Variants in SORCS2 observed in about 807,000 individuals in gnomAD.
SORCS2 encodes VPS10 domain-containing receptor SorCS2.
In SORCS2, 100 loss-of-function variants were observed where a neutral mutation model predicts 141.6. The ratio of observed to expected loss-of-function variants is 0.71; its 90% CI spans 0.60 to 0.83. The LOEUF (loss-of-function observed/expected upper bound fraction) is 0.83, where lower values mean the gene tolerates loss of function less well. Among genes scored for constraint, SORCS2 ranks in the 40% least tolerant of loss-of-function variants. The pLI, the probability that SORCS2 is intolerant of heterozygous loss-of-function variation, is 0.00. For synonymous variants in SORCS2, 789 were observed against 676.9 expected (o/e 1.17, Z -2.57); for missense variants, 1,646 against 1,560.2 (o/e 1.05, Z -0.93).
chr4:7,376,156 C>T (rs1439110843), intron 1 of SORCS2, among the ~76,000 whole-genome samples: 2 of 152,130 alleles, frequency 1.3e-5, no homozygotes, highest in Admixed American at 1.3e-4. Flanking sequence ...CCTGCCTGGG[C>T]AGGACTCTGC....
intron 2 of SORCS2, among the ~76,000 whole-genome samples, chr4:7,416,725 GAC>G (rs34903700): frequency 3.3e-5 from 5 of 150,276 alleles, no homozygotes; most frequent in East Asian, 2.0e-4. Flanking sequence ...CACACACTCA[GAC>G]ACACACGCAT....
chr4:7,634,860 A>G (rs1720140946), intron 3 of SORCS2, among the ~76,000 whole-genome samples: 1 of 152,218 alleles, frequency 6.6e-6, no homozygotes, highest in Admixed American at 6.5e-5. Context: ...CCTTCCTCCC[A>G]AGAACCCACA....
At chr4:7,425,970 G>A (rs1191502663) in intron 2 of SORCS2, among the ~76,000 whole-genome samples, 1 of 152,258 alleles carries the variant, frequency 6.6e-6, no homozygotes, top group Non-Finnish European at 1.5e-5. Flanking sequence ...AAGGCATCAT[G>A]ATCCCGTCCT....
intron 2 of SORCS2, among the ~76,000 whole-genome samples, chr4:7,438,797 C>G (rs1413587173): frequency 6.6e-6 from 1 of 152,054 alleles, no homozygotes; most frequent in Non-Finnish European, 1.5e-5. Context: ...ACTACCCCTC[C>G]CTCCTTTCCT....
chr4:7,237,029 A>G (rs1457671740), intron 1 of SORCS2, among the ~76,000 whole-genome samples: 2 of 152,216 alleles, frequency 1.3e-5, no homozygotes, highest in East Asian at 1.9e-4. Flanking sequence ...CCATCCTGAG[A>G]TGCTGGGCCT....
intron 10 of SORCS2, among the ~76,000 whole-genome samples, chr4:7,683,459 T>G (rs1392922648): frequency 2.6e-5 from 4 of 152,184 alleles, no homozygotes; most frequent in Admixed American, 1.3e-4. Flanking sequence ...GGGAATGGAC[T>G]GATTTAGGCT....
chr4:7,649,243 C>A (rs747198192), intron 4 of SORCS2, among the ~76,000 whole-genome samples: 1 of 151,880 alleles, frequency 6.6e-6, no homozygotes, highest in Non-Finnish European at 1.5e-5. Flanking sequence ...CTCAGAGGAC[C>A]CTGTGCACAT....
intron 2 of SORCS2, among the ~76,000 whole-genome samples, chr4:7,446,781 C>T (rs888113147): frequency 2.6e-5 from 4 of 152,190 alleles, no homozygotes; most frequent in South Asian, 2.1e-4. Context: ...GGCAATTGTA[C>T]GTGCAGTGTC....
intron 2 of SORCS2, among the ~76,000 whole-genome samples, chr4:7,454,778 TGTGTGTTGGGGTCTGGTG>T (rs1728757892): frequency 9.0e-6 from 1 of 110,800 alleles, no homozygotes. Context: ...GGGTCAGTGC[TGTGTGTTGGGGTCTGGTG>T]CTGTGTTGGG....
chr4:7,653,889 T>G (rs545898330), intron 4 of SORCS2, among the ~76,000 whole-genome samples: 1 of 152,196 alleles, frequency 6.6e-6, no homozygotes, highest in Non-Finnish European at 1.5e-5. Flanking sequence ...GAGACCCCTC[T>G]GGATTTCACC....
intron 1 of SORCS2, among the ~76,000 whole-genome samples, chr4:7,240,363 G>A (rs1046708457): frequency 6.6e-6 from 1 of 152,204 alleles, no homozygotes; most frequent in African/African-American, 2.4e-5. Context: ...TTACCTCGAT[G>A]AGTCCTTCCT....
intron 3 of SORCS2, among the ~76,000 whole-genome samples, chr4:7,635,484 C>G (rs984068548): frequency 1.3e-5 from 2 of 152,218 alleles, no homozygotes; most frequent in East Asian, 3.8e-4. Context: ...TTATTTCTGG[C>G]CACTTCCCAT....
intron 18 of SORCS2, among the ~76,000 whole-genome samples, chr4:7,719,419 G>C (rs531844665): frequency 8.0e-5 from 12 of 150,912 alleles, no homozygotes; most frequent in Non-Finnish European, 1.8e-4. Flanking sequence ...ACTGAGGCTC[G>C]GACAGAGAAG....
intron 3 of SORCS2, among the ~76,000 whole-genome samples, chr4:7,558,573 G>A (rs1383457309): frequency 1.3e-5 from 2 of 152,194 alleles, no homozygotes; most frequent in Non-Finnish European, 2.9e-5. Flanking sequence ...CGGTGACCTT[G>A]AGCATCTGAC....
At chr4:7,533,807 TCA>T (rs1359975766) in intron 3 of SORCS2, among the ~76,000 whole-genome samples, 1 of 152,108 alleles carries the variant, frequency 6.6e-6, no homozygotes, top group Non-Finnish European at 1.5e-5. Context: ...CCGCTGAGCC[TCA>T]GTTTCCTGGC....
At chr4:7,506,242 G>C (rs905033851) in intron 2 of SORCS2, among the ~76,000 whole-genome samples, 1 of 151,534 alleles carries the variant, frequency 6.6e-6, no homozygotes, top group African/African-American at 2.4e-5. Context: ...TCTGCCAGGG[G>C]CGCTGCCATA....
At chr4:7,669,327 G>A (rs1441999059) in intron 8 of SORCS2, among the ~76,000 whole-genome samples, 2 of 152,210 alleles carry the variant, frequency 1.3e-5, no homozygotes, top group East Asian at 3.9e-4. Context: ...ACAGGACCCA[G>A]TGACCAGCAG....
At position 7,740,434 on chromosome 4, in the gene SORCS2, A is replaced by C; in HGVS notation, c.*170A>C. The C allele has an allele frequency of 1.6e-6, 1 of 625,180 alleles. No individual in the cohort carries two copies. 38.7% of individuals were successfully genotyped at this position (625,180 alleles called of 1,614,324 possible). ...GATAAATCCAAGCCCGCCCAGGCCC[A>C]CGGGGGGCCCACGGGACCCCCCGGG... On this transcript the variant is annotated 3_prime_UTR_variant, in exon 27 of 27. Transcript: ENST00000507866.
At chr4:7,540,432 CA>C (rs1712537015) in intron 3 of SORCS2, among the ~76,000 whole-genome samples, 1 of 152,168 alleles carries the variant, frequency 6.6e-6, no homozygotes, top group African/African-American at 2.4e-5. Context: ...GGGATGGCAG[CA>C]CCCTGTGGCT....
Sources: gnomAD v4.1 joint callset for allele counts (sites outside exome capture counted in the v4.1 genomes callset) on GRCh38, gnomAD v4.1.1 for gene constraint, MANE v1.5 for transcripts, NCBI Gene and HGNC (gene_info 2026-07-23, HGNC 2026-07-21) for gene names.